Variants in FMNL2 observed in about 807,000 individuals in gnomAD.
FMNL2 encodes the protein formin like 2.
FMNL2 carries 51 observed loss-of-function variants against 130.2 expected under a neutral mutation model. The ratio of observed to expected loss-of-function variants is 0.39; its 90% CI spans 0.31 to 0.49. The LOEUF is 0.49. Among genes scored for constraint, FMNL2 ranks in the 20% least tolerant of loss-of-function variants. The pLI is 0.85. For missense variants in FMNL2, 977 were observed against 1,316.2 expected (o/e 0.74, Z 3.99); for synonymous variants, 465 against 467.1 (o/e 1.00, Z 0.06).
At chr2:152,540,943 G>C (rs1258047480) in intron 2 of FMNL2, among the ~76,000 whole-genome samples, 1 of 152,220 alleles carries the variant, frequency 6.6e-6, no homozygotes, top group Non-Finnish European at 1.5e-5. Flanking sequence ...GGACCATGCA[G>C]AATGTTGTGG....
chr2:152,525,504 C>T (rs1693338402), intron 2 of FMNL2, among the ~76,000 whole-genome samples: 2 of 152,172 alleles, frequency 1.3e-5, no homozygotes, highest in Admixed American at 1.3e-4. Context: ...GGTGATTTGG[C>T]ATGAGTGGAC....
intron 9 of FMNL2, among the ~76,000 whole-genome samples, chr2:152,607,002 T>TTTG (rs1203706388): frequency 7.7e-6 from 1 of 130,584 alleles, no homozygotes; most frequent in African/African-American, 2.8e-5. Context: ...CGTTTTTTTT[T>TTTG]TTTGTTTTTT....
At chr2:152,435,991 G>A (rs139512975) in intron 1 of FMNL2, among the ~76,000 whole-genome samples, 1 of 151,772 alleles carries the variant, frequency 6.6e-6, no homozygotes, top group African/African-American at 2.4e-5. Flanking sequence ...CCTCTATGGT[G>A]CTATAGCATG....
chr2:152,502,639 G>T (rs1369206402), intron 1 of FMNL2, among the ~76,000 whole-genome samples: 1 of 152,126 alleles, frequency 6.6e-6, no homozygotes, highest in Non-Finnish European at 1.5e-5. Context: ...GTGAGTCAAG[G>T]TCGTGCCACT....
chr2:152,486,349 C>G (rs1690828478), intron 1 of FMNL2, among the ~76,000 whole-genome samples: 1 of 152,198 alleles, frequency 6.6e-6, no homozygotes, highest in South Asian at 2.1e-4. Context: ...ACGATTCTTT[C>G]AGGAGCTATT....
intron 1 of FMNL2, among the ~76,000 whole-genome samples, chr2:152,501,369 A>C (rs1691824189): frequency 6.6e-6 from 1 of 152,252 alleles, no homozygotes; most frequent in Non-Finnish European, 1.5e-5. Context: ...CCCAAAAGGG[A>C]ACTCAGAAAA....
chr2:152,402,080 T>A (rs1019123476), intron 1 of FMNL2, among the ~76,000 whole-genome samples: 9 of 151,928 alleles, frequency 5.9e-5, no homozygotes, highest in Admixed American at 5.9e-4. Flanking sequence ...TTTTTTGTAT[T>A]TTTAGTAGAG....
At chr2:152,363,907 A>C (rs1468230901) in intron 1 of FMNL2, among the ~76,000 whole-genome samples, 1 of 152,182 alleles carries the variant, frequency 6.6e-6, no homozygotes, top group East Asian at 1.9e-4. Flanking sequence ...CCTGCTAGAC[A>C]ATACTCTACA....
At chr2:152,408,734 C>T (rs573073751) in intron 1 of FMNL2, among the ~76,000 whole-genome samples, 2 of 152,204 alleles carry the variant, frequency 1.3e-5, no homozygotes, top group South Asian at 4.1e-4. Context: ...GTTGGCAAAA[C>T]CATCTAACAC....
chr2:152,585,002 G>A (rs866526462), intron 9 of FMNL2, among the ~76,000 whole-genome samples: 2 of 152,110 alleles, frequency 1.3e-5, no homozygotes, highest in Non-Finnish European at 2.9e-5. Flanking sequence ...ACACATACAT[G>A]GCTTCAATGT....
intron 1 of FMNL2, among the ~76,000 whole-genome samples, chr2:152,402,185 A>G (rs1276288782): frequency 1.3e-5 from 2 of 152,164 alleles, no homozygotes; most frequent in South Asian, 2.1e-4. Context: ...TACAGGCGTG[A>G]GCCACTACGC....
At chr2:152,592,524 C>T (rs913188795) in intron 9 of FMNL2, among the ~76,000 whole-genome samples, 9 of 152,036 alleles carry the variant, frequency 5.9e-5, no homozygotes, top group Non-Finnish European at 1.0e-4. Flanking sequence ...CCATTTTCTT[C>T]TTTATTGTCA....
intron 1 of FMNL2, among the ~76,000 whole-genome samples, chr2:152,454,182 C>T (rs185441146): frequency 1.3e-5 from 2 of 152,202 alleles, no homozygotes; most frequent in Admixed American, 6.5e-5. Context: ...GAGGCTGACA[C>T]AGGAGAATCA....
chr2:152,420,397 A>G (rs1686846012), intron 1 of FMNL2, among the ~76,000 whole-genome samples: 3 of 152,236 alleles, frequency 2.0e-5, no homozygotes, highest in Admixed American at 2.0e-4. Context: ...AAATGCCAGT[A>G]GGAAAAAAAG....
At position 152,549,059 on chromosome 2, in the gene FMNL2, A is replaced by T; in HGVS notation, c.321A>T (p.Leu107=). Residue 107 remains leucine (L), a synonymous_variant, in exon 4 of 26, where the codon CTA becomes CTT. Transcript: ENST00000288670. ...GTGTTCAAGAATCTACACAAGTGCTAAGAGAACTGGAAATTTCTTTGAGAA... is the reference window on the plus strand; with the variant it reads ...GTGTTCAAGAATCTACACAAGTGCTTAGAGAACTGGAAATTTCTTTGAGAA... The part of the protein sequence containing the change: ...RRRVQESTQV[L]RELEISLRTN... 6.2e-7 allele frequency: 1 copy of T among 1,610,792 alleles called. No individual in the cohort carries two copies. The highest frequency in any genetic ancestry group is 1.1e-5 in the South Asian group (1 of 90,008).
intron 1 of FMNL2, among the ~76,000 whole-genome samples, chr2:152,453,070 TC>T (rs1455174611): frequency 1.3e-5 from 2 of 151,946 alleles, no homozygotes; most frequent in Non-Finnish European, 2.9e-5. Context: ...GGCGTGGTGG[TC>T]AGCACCTGTA....
At chr2:152,605,271 T>G (rs1477183026) in intron 9 of FMNL2, among the ~76,000 whole-genome samples, 1 of 152,068 alleles carries the variant, frequency 6.6e-6, no homozygotes, top group Non-Finnish European at 1.5e-5. Flanking sequence ...GACTCTCCAG[T>G]GTGGGACTGG....
At chr2:152,589,981 A>ATATATATATGTATATGTATATG (rs1553482691) in intron 9 of FMNL2, among the ~76,000 whole-genome samples, 1 of 42,490 alleles carries the variant, frequency 2.4e-5, no homozygotes, top group South Asian at 6.1e-4. Context: ...ATATATATAT[A>ATATATATATGTATATGTATATG]TATGTATATG....
chr2:152,363,089 A>T (rs1285945348), intron 1 of FMNL2, among the ~76,000 whole-genome samples: 1 of 152,220 alleles, frequency 6.6e-6, no homozygotes, highest in East Asian at 1.9e-4. Context: ...CACTGAAGCG[A>T]TGAAAATGTT....
Sources: allele counts gnomAD v4.1 joint callset (sites outside exome capture counted in the v4.1 genomes callset), GRCh38; gene constraint gnomAD v4.1.1; transcripts MANE v1.5; gene names NCBI Gene and HGNC (gene_info 2026-07-23, HGNC 2026-07-21).